The following SNTG1 variants were observed in gnomAD, a reference collection of about 807,000 sequenced individuals.
SNTG1 encodes gamma-1-syntrophin.
A neutral mutation model predicts 74.7 loss-of-function variants in SNTG1; 39 were observed. The observed-to-expected ratio is 0.52, with a 90% CI of 0.40 to 0.68. SNTG1 has a LOEUF of 0.68. SNTG1 is among the 30% of genes least tolerant of loss of function. The probability of loss-of-function intolerance (pLI) is 0.00; values close to 1 mark genes in which losing one functional copy is unlikely to be tolerated. For synonymous variants in SNTG1, 254 were observed against 217.1 expected, an observed-to-expected ratio of 1.17 and a Z score of -1.49; for missense variants, 685 against 609.5, an observed-to-expected ratio of 1.12 and a Z score of -1.30.
intron 17 of SNTG1, among the ~76,000 whole-genome samples, chr8:50,716,499 T>C (rs908331918): frequency 6.6e-6 from 1 of 152,152 alleles, no homozygotes; most frequent in African/African-American, 2.4e-5. Flanking sequence ...TTATTTCTTC[T>C]TTGCTTTTAG....
intron 17 of SNTG1, among the ~76,000 whole-genome samples, chr8:50,723,995 CT>C (rs1354152441): frequency 6.6e-6 from 1 of 151,994 alleles, no homozygotes; most frequent in Non-Finnish European, 1.5e-5. Flanking sequence ...TTGCTATTTG[CT>C]TTTTTCCAAG....
intron 1 of SNTG1, among the ~76,000 whole-genome samples, chr8:50,094,344 A>G (rs2079850824): frequency 6.6e-6 from 1 of 152,166 alleles, no homozygotes; most frequent in Non-Finnish European, 1.5e-5. Flanking sequence ...TTAGTAATGT[A>G]TGCAAAGGGC....
At chr8:49,916,457 A>T (rs1806045564) in intron 1 of SNTG1, among the ~76,000 whole-genome samples, 2 of 152,194 alleles carry the variant, frequency 1.3e-5, no homozygotes, top group African/African-American at 4.8e-5. Context: ...AGTGTCATTA[A>T]ATCAATTCAT....
chr8:50,550,209 A>G (rs1422046342), intron 11 of SNTG1, among the ~76,000 whole-genome samples: 10 of 152,176 alleles, frequency 6.6e-5, no homozygotes, highest in Admixed American at 5.9e-4. Context: ...GGAGGTGAGC[A>G]GTGGTTCCTT....
intron 2 of SNTG1, among the ~76,000 whole-genome samples, chr8:50,275,124 T>A (rs1169907548): frequency 6.6e-6 from 1 of 152,184 alleles, no homozygotes; most frequent in East Asian, 1.9e-4. Flanking sequence ...TTTTAAAGAA[T>A]TGGTGACTTT....
At chr8:50,515,387 GTTTTTTTTT>G (rs34086906) in intron 9 of SNTG1, among the ~76,000 whole-genome samples, 2 of 80,440 alleles carry the variant, frequency 2.5e-5, no homozygotes, top group East Asian at 4.7e-4. Context: ...AGCTGCAGGA[GTTTTTTTTT>G]TTTTTTTTTT....
At chr8:50,789,361 G>A (rs142549220) in intron 18 of SNTG1, among the ~76,000 whole-genome samples, 5 of 151,776 alleles carry the variant, frequency 3.3e-5, no homozygotes, top group African/African-American at 1.2e-4. Context: ...TTTATACTGT[G>A]GAGTCTCAGG....
chr8:50,033,354 C>A (rs1413497773), intron 1 of SNTG1, among the ~76,000 whole-genome samples: 1 of 152,046 alleles, frequency 6.6e-6, no homozygotes, highest in Non-Finnish European at 1.5e-5. Context: ...GAACTCGCAA[C>A]CTCAGGTGAT....
At chr8:50,240,115 A>C (rs1322692573) in intron 2 of SNTG1, among the ~76,000 whole-genome samples, 1 of 152,222 alleles carries the variant, frequency 6.6e-6, no homozygotes, top group Non-Finnish European at 1.5e-5. Context: ...TGGTATTTGC[A>C]GAGAGAGCTC....
rs150514860 is a variant in SNTG1, at chr8:50,220,761, A to C, written c.-28+48126A>C. Among the ~76,000 whole-genome samples, 745 of 152,340 alleles carry C rather than the reference A, an allele frequency of 4.9e-3. 3 individuals are homozygous for C. Among genetic ancestry groups the C allele is most frequent in the Middle Eastern group, 0.014 (4 of 294 alleles). ...TTTCTAGTTTTCTTAAGATACATGC[A>C]GTAGTGCTTTTCCTGCCAGCATGGC... On this transcript the variant is annotated intron_variant, in intron 2 of 18. Coordinates refer to ENST00000642720, the MANE Select transcript of SNTG1 (RefSeq NM_018967.5).
intron 2 of SNTG1, among the ~76,000 whole-genome samples, chr8:50,391,138 T>C (rs2092653161): frequency 6.6e-6 from 1 of 152,200 alleles, no homozygotes; most frequent in Non-Finnish European, 1.5e-5. Context: ...AGGACATCCC[T>C]GTCTTGTGCC....
At chr8:50,480,372 G>T (rs1285852638) in intron 8 of SNTG1, among the ~76,000 whole-genome samples, 4 of 152,064 alleles carry the variant, frequency 2.6e-5, no homozygotes, top group Admixed American at 2.6e-4. Context: ...ATTGTCATTC[G>T]ATGACTTGAG....
At chr8:50,745,737 G>A (rs997005931) in intron 17 of SNTG1, among the ~76,000 whole-genome samples, 5 of 151,958 alleles carry the variant, frequency 3.3e-5, no homozygotes, top group South Asian at 2.1e-4. Context: ...GATGGGCCTC[G>A]AAAACCTTAC....
intron 2 of SNTG1, among the ~76,000 whole-genome samples, chr8:50,294,437 A>G (rs1201805999): frequency 1.3e-5 from 2 of 152,208 alleles, no homozygotes; most frequent in African/African-American, 4.8e-5. Context: ...ATTGGTTCAT[A>G]TAATTATGGA....
chr8:50,565,296 C>A (rs1442437702), intron 12 of SNTG1, among the ~76,000 whole-genome samples: 1 of 151,836 alleles, frequency 6.6e-6, no homozygotes, highest in African/African-American at 2.4e-5. Flanking sequence ...TTTGGTAAAA[C>A]CTGTGGAAAT....
Position 50,724,183 on chromosome 8 carries a change from A to G in SNTG1, c.1284+15205A>G, listed in dbSNP as rs538181879. On this transcript the variant is annotated intron_variant, in intron 17 of 18. Transcript: ENST00000642720. The stretch of plus-strand genomic sequence containing the variant: ...ATCTTAGTTACATTTTTTATATTTG[A>G]TATCAGAAACAGGAAGGGTCACTGG... Among the ~76,000 whole-genome samples the G allele has an allele frequency of 3.9e-5, 6 of 152,240 alleles. No homozygotes were observed. In the South Asian group the frequency reaches 1.2e-3, roughly 32 times the overall value.
intron 13 of SNTG1, among the ~76,000 whole-genome samples, chr8:50,596,443 G>A (rs1291095942): frequency 1.3e-5 from 2 of 151,740 alleles, no homozygotes; most frequent in South Asian, 2.1e-4. Context: ...TTTAATCTAT[G>A]ATTTATTTTT....
At chr8:50,145,347 TTTGC>T (rs2081821354) in intron 1 of SNTG1, among the ~76,000 whole-genome samples, 1 of 152,236 alleles carries the variant, frequency 6.6e-6, no homozygotes, top group Non-Finnish European at 1.5e-5. Flanking sequence ...CTCAGTTTTA[TTTGC>T]TTGCTTCTTT....
chr8:50,795,801 C>T lies in SNTG1; in HGVS notation c.*2972C>T, dbSNP rs548286448. On this transcript the variant is annotated 3_prime_UTR_variant, in exon 19 of 19. Coordinates refer to ENST00000642720, the MANE Select transcript of SNTG1 (RefSeq NM_018967.5). ...GCATTTATAATTTGTTAAAATGCAACAAGTATTTATTTAAAAAATAGTTTA... is the reference window on the plus strand; with the variant it reads ...GCATTTATAATTTGTTAAAATGCAATAAGTATTTATTTAAAAAATAGTTTA... 1 of 151,842 alleles carries T rather than the reference C, an allele frequency of 6.6e-6. No individual in the cohort carries two copies. The highest frequency in any genetic ancestry group is 1.5e-5 in the Non-Finnish European group (1 of 67,916). 9.4% of individuals were successfully genotyped at this position (151,842 alleles called of 1,614,324 possible).
Sources: gnomAD v4.1 joint callset for allele counts (sites outside exome capture counted in the v4.1 genomes callset) on GRCh38, gnomAD v4.1.1 for gene constraint, MANE v1.5 for transcripts, NCBI Gene and HGNC (gene_info 2026-07-23, HGNC 2026-07-21) for gene names.